Variants in PRKCA observed in about 807,000 individuals in gnomAD.
PRKCA encodes the protein protein kinase C alpha.
In PRKCA, 27 loss-of-function variants were observed where a neutral mutation model predicts 87.0. The observed-to-expected ratio is 0.31, with a 90% CI of 0.23 to 0.43. The LOEUF (loss-of-function observed/expected upper bound fraction) is 0.43. Among genes scored for constraint, PRKCA ranks in the 20% least tolerant of loss-of-function variants. PRKCA has a pLI of 1.00. For synonymous variants in PRKCA, 329 were observed against 311.1 expected, an observed-to-expected ratio of 1.06 and a Z score of -0.61; for missense variants, 518 against 852.3, an observed-to-expected ratio of 0.61 and a Z score of 4.88.
chr17:66,362,484 TCAATGTTATAATTGC>T (rs1243522203), intron 2 of PRKCA, among the ~76,000 whole-genome samples: 1 of 152,168 alleles, frequency 6.6e-6, no homozygotes, highest in African/African-American at 2.4e-5. Flanking sequence ...TTTCCAATGT[TCAATGTTATAATTGC>T]CTGGTGGTTG....
chr17:66,456,591 C>CCTGTGCTGGCTTCCAACCACAGGTT (rs1258266737), intron 2 of PRKCA, among the ~76,000 whole-genome samples: 2 of 152,162 alleles, frequency 1.3e-5, no homozygotes, highest in Admixed American at 6.5e-5. Context: ...ATTGTCATCC[C>CCTGTGCTGGCTTCCAACCACAGGTT]CTGTGCTGGC....
chr17:66,332,044 C>T (rs1462191310), intron 2 of PRKCA, among the ~76,000 whole-genome samples: 2 of 104,598 alleles, frequency 1.9e-5, no homozygotes, highest in African/African-American at 4.1e-5. Flanking sequence ...GGTAGCAAAC[C>T]AATTTTTTTT....
At chr17:66,677,023 G>A (rs1972352556) in intron 5 of PRKCA, 1 of 150,906 alleles carries the variant, frequency 6.6e-6, no homozygotes, top group Non-Finnish European at 1.5e-5. Context: ...TTTGTTCTAT[G>A]CTGGGGGTCA....
chr17:66,672,783 A>C (rs548814189), intron 5 of PRKCA, among the ~76,000 whole-genome samples: 93 of 152,352 alleles, frequency 6.1e-4, no homozygotes, highest in African/African-American at 2.2e-3. Flanking sequence ...AAATGTTTTC[A>C]AAGCATACTT....
At chr17:66,445,207 G>A (rs866790957) in intron 2 of PRKCA, among the ~76,000 whole-genome samples, 9 of 152,132 alleles carry the variant, frequency 5.9e-5, no homozygotes, top group South Asian at 2.1e-4. Context: ...TCCCTTCAGC[G>A]GGAGCTCTCT....
intron 3 of PRKCA, among the ~76,000 whole-genome samples, chr17:66,611,324 A>T (rs141382358): frequency 6.6e-6 from 1 of 152,210 alleles, no homozygotes; most frequent in Non-Finnish European, 1.5e-5. Context: ...AAGAAACTCT[A>T]TACTTACTAG....
At chr17:66,776,058 C>T (rs1235884343) in intron 14 of PRKCA, among the ~76,000 whole-genome samples, 1 of 152,186 alleles carries the variant, frequency 6.6e-6, no homozygotes, top group Non-Finnish European at 1.5e-5. Context: ...AGCCACCACG[C>T]GAAGGCCCTA....
intron 8 of PRKCA, among the ~76,000 whole-genome samples, chr17:66,690,612 C>G (rs531799344): frequency 6.6e-6 from 1 of 152,184 alleles, no homozygotes; most frequent in African/African-American, 2.4e-5. Context: ...GCAGGCAGAT[C>G]ACTTGAGGTC....
chr17:66,415,003 A>C (rs1363879831), intron 2 of PRKCA: 1 of 151,890 alleles, frequency 6.6e-6, no homozygotes, highest in African/African-American at 2.4e-5. Context: ...GTGCGCCAAC[A>C]TGATAACGTT....
intron 13 of PRKCA, among the ~76,000 whole-genome samples, chr17:66,765,418 C>CTATCTATATCTATATATCTATATATA (rs1256949775): frequency 2.0e-5 from 1 of 49,338 alleles, no homozygotes. Flanking sequence ...AAGACTTTGT[C>CTATCTATATCTATATATCTATATATA]TATATATATA....
intron 3 of PRKCA, among the ~76,000 whole-genome samples, chr17:66,523,112 G>A (rs1050405859): frequency 2.6e-5 from 4 of 152,122 alleles, no homozygotes; most frequent in South Asian, 2.1e-4. Flanking sequence ...GAGTCACCTG[G>A]TAGAGGTGGG....
At chr17:66,713,382 A>G (rs1973387819) in intron 8 of PRKCA, among the ~76,000 whole-genome samples, 1 of 152,064 alleles carries the variant, frequency 6.6e-6, no homozygotes, top group South Asian at 2.1e-4. Context: ...CCCGGGCCCC[A>G]GTTGGGAGAC....
chr17:66,799,067 G>GTGGTGA (rs1975793249), intron 16 of PRKCA, among the ~76,000 whole-genome samples: 17 of 12,652 alleles, frequency 1.3e-3, no homozygotes, highest in East Asian at 2.3e-3. Flanking sequence ...GGTGGTGGTG[G>GTGGTGA]TGGTGGTGGT....
chr17:66,780,592 C>T (rs1975180985), intron 14 of PRKCA, among the ~76,000 whole-genome samples: 1 of 151,936 alleles, frequency 6.6e-6, no homozygotes, highest in Non-Finnish European at 1.5e-5. Context: ...GGGAGAATCG[C>T]TTGAACCTGG....
chr17:66,719,476 T>A (rs1973558971), intron 8 of PRKCA, among the ~76,000 whole-genome samples: 1 of 152,248 alleles, frequency 6.6e-6, no homozygotes, highest in Admixed American at 6.5e-5. Flanking sequence ...AGTATAAAAT[T>A]TTAGATGTTT....
In PRKCA at chr17:66,388,799, C is replaced by A. The variant is rs8079628; in HGVS notation, c.205+82672C>A. Among the ~76,000 whole-genome samples, 5 of 152,104 alleles carry A rather than the reference C, an allele frequency of 3.3e-5. No homozygotes were observed. In the East Asian group the frequency reaches 9.7e-4, roughly 29 times the overall value. On this transcript the variant is annotated intron_variant, in intron 2 of 16. Coordinates refer to ENST00000413366, the MANE Select transcript of PRKCA (RefSeq NM_002737.3). ...ACAAAGACCCAGGGTCGTGGAGAGA[C>A]GGCACTTGTGTGGGTCACAGAGTTG...
rs1491409424 is a variant in PRKCA, at chr17:66,566,479, GGT to G, written c.288+70197_288+70198del. 4.1e-3 allele frequency among the ~76,000 whole-genome samples: 305 copies of G among 74,692 alleles called. 13 individuals carry two copies. Among genetic ancestry groups the G allele is most frequent in the South Asian group, 0.017 (30 of 1,810 alleles). 49.0% of individuals were successfully genotyped at this position (74,692 alleles called of 152,430 possible). ...TTGTGAAGAACTGTTGTTGTTTTTT[GGT>G]TTTTTTTTTTTTTTTTTTTTTGCAA... On this transcript the variant is annotated intron_variant, in intron 3 of 16. Transcript: ENST00000413366.
At chr17:66,741,798 G>T in intron 12 of PRKCA, 77 bp downstream of exon 12, 1 of 1,455,398 alleles carries the variant, frequency 6.9e-7, no homozygotes, top group South Asian at 1.2e-5. Flanking sequence ...ATTCTGGAAT[G>T]GTGACTTAAG....
chr17:66,716,521 G>A (rs1002751145), intron 8 of PRKCA, among the ~76,000 whole-genome samples: 3 of 152,146 alleles, frequency 2.0e-5, no homozygotes, highest in African/African-American at 7.2e-5. Context: ...CCTCATGTAA[G>A]CCTGGAGATT....
Sources: gnomAD v4.1 joint callset for allele counts (sites outside exome capture counted in the v4.1 genomes callset) on GRCh38, gnomAD v4.1.1 for gene constraint, MANE v1.5 for transcripts, NCBI Gene and HGNC (gene_info 2026-07-23, HGNC 2026-07-21) for gene names.